DNAI4: variants seen among roughly 807,000 people sequenced by gnomAD.
DNAI4 encodes the protein WD repeat domain 78.
A neutral mutation model predicts 105.8 loss-of-function variants in DNAI4; 85 were observed. The ratio of observed to expected loss-of-function variants is 0.80; its 90% CI spans 0.67 to 0.96. DNAI4 has a LOEUF of 0.96. Among genes scored for constraint, DNAI4 ranks in the 40% least tolerant of loss-of-function variants. The pLI is 0.00. For synonymous variants in DNAI4, 352 were observed against 331.5 expected, an observed-to-expected ratio of 1.06 and a Z score of -0.67; for missense variants, 1,014 against 1,005.6, an observed-to-expected ratio of 1.01 and a Z score of -0.11.
At position 66,813,867 on chromosome 1, in the gene DNAI4, A is replaced by G. The variant is rs1253583677; in HGVS notation, c.*263T>C. The G allele has an allele frequency of 6.1e-6, 2 of 330,570 alleles. No individual in the cohort carries two copies. The allele number at this position is 330,570 out of a possible 1,614,324, so 20.5% of individuals were successfully genotyped here. ...TGTATAAGAATGTACATGTACTCAT[A>G]TGTACTTAGAATATGATCAAGAGAG... On this transcript the variant is annotated 3_prime_UTR_variant, in exon 17 of 17. Coordinates refer to ENST00000371026, the MANE Select transcript of DNAI4 (RefSeq NM_024763.5).
rs572841340 is a variant in DNAI4, at chr1:66,890,635, G to GGAAGAA, written c.643+513_643+518dup. ...AAAGAGGAAAGAAGAAAGAAGAAGAGGAAGAAGAAGAAGAGGAAGAGGAGA... is the reference window on the plus strand; with the variant it reads ...AAAGAGGAAAGAAGAAAGAAGAAGAGGAAGAAGAAGAAGAAGAAGAGGAAGAGGAGA... On this transcript the variant is annotated intron_variant, in intron 4 of 16. Transcript: ENST00000371026. This position sits in a 1 kb window ranked among gnomAD's most constrained non-coding sequence, Gnocchi z 4.1. The GGAAGAA allele has an allele frequency of 3.7e-5, 7 of 187,882 alleles. No homozygotes were observed. The highest frequency in any genetic ancestry group is 7.4e-5 in the Non-Finnish European group (7 of 94,034). The allele number at this position is 187,882 out of a possible 1,614,324, so 11.6% of individuals were successfully genotyped here.
chr1:66,893,033 AG>A (rs60496796), intron 3 of DNAI4, among the ~76,000 whole-genome samples, 195 bp downstream of exon 3: 1 of 111,108 alleles, frequency 9.0e-6, no homozygotes, highest in African/African-American at 4.0e-5. Context: ...AAAGAAAGAG[AG>A]GAAAGAAAGA....
In DNAI4 at chr1:66,900,848, T is replaced by G. The variant is rs1425426864; in HGVS notation, c.345+4353A>C. On this transcript the variant is annotated intron_variant, in intron 2 of 16. Coordinates refer to ENST00000371026, the MANE Select transcript of DNAI4 (RefSeq NM_024763.5). The stretch of plus-strand genomic sequence containing the variant: ...ATCATGTCATCTGCAAATAAAGATG[T>G]TTTTACCTCTTACTTTCCGAACTGG... Among the ~76,000 whole-genome samples the G allele has an allele frequency of 5.9e-5, 9 of 152,296 alleles. 1 individual carries two copies. The East Asian group carries it at 1.7e-3, about 29-fold the overall frequency.
At chr1:66,853,444 C>A (rs1271895636) in intron 7 of DNAI4, among the ~76,000 whole-genome samples, 2 of 152,140 alleles carry the variant, frequency 1.3e-5, no homozygotes, top group Non-Finnish European at 2.9e-5. Flanking sequence ...TGGCACACAA[C>A]CACATAGCAA....
intron 2 of DNAI4, 96 bp from the exon 3 acceptor site, chr1:66,893,509 G>T: frequency 1.1e-6 from 1 of 874,278 alleles, no homozygotes; most frequent in South Asian, 2.5e-5. Flanking sequence ...GTAGAAAAAA[G>T]ATTAGTATAA....
At chr1:66,826,737 C>CT in intron 15 of DNAI4, 83 bp downstream of exon 15, 1 of 1,215,936 alleles carries the variant, frequency 8.2e-7, no homozygotes. Flanking sequence ...CTACAATACC[C>CT]TCTAACTGGT....
intron 7 of DNAI4, 103 bp downstream of exon 7, chr1:66,862,044 T>G: frequency 8.8e-7 from 1 of 1,132,106 alleles, no homozygotes; most frequent in Non-Finnish European, 1.2e-6. Flanking sequence ...GTTGTACTTT[T>G]CATGGTCCAT....
intron 5 of DNAI4, among the ~76,000 whole-genome samples, chr1:66,874,102 T>TA (rs1646911221): frequency 6.6e-6 from 1 of 151,914 alleles, no homozygotes; most frequent in Non-Finnish European, 1.5e-5. Context: ...CTACTTATAG[T>TA]AGCTATATTA....
chr1:66,832,058 A>C (rs1433116005), intron 13 of DNAI4, among the ~76,000 whole-genome samples: 1 of 152,118 alleles, frequency 6.6e-6, no homozygotes, highest in African/African-American at 2.4e-5. Context: ...CCCCACCCTC[A>C]CCTCAATTCC....
At position 66,867,544 on chromosome 1, in the gene DNAI4, AT is replaced by A. The variant is rs1036476249; in HGVS notation, c.940+3825del. Among the ~76,000 whole-genome samples the A allele has an allele frequency of 7.4e-5, 11 of 149,088 alleles. 2 individuals are homozygous for A. The highest frequency in any genetic ancestry group is 1.3e-4 in the Admixed American group (2 of 15,006). On this transcript the variant is annotated intron_variant, in intron 6 of 16. Coordinates refer to ENST00000371026, the MANE Select transcript of DNAI4 (RefSeq NM_024763.5). ...TTTATTAAGCTATCAAGATCTTTTT[AT>A]TCTTTGGATTTTTTTTTAAAGAACA...
At chr1:66,915,834 A>G (rs543690400) in intron 1 of DNAI4, among the ~76,000 whole-genome samples, 1 of 152,284 alleles carries the variant, frequency 6.6e-6, no homozygotes, top group Non-Finnish European at 1.5e-5. Flanking sequence ...TGAGAAAAAA[A>G]ATCTTTGGTC....
chr1:66,895,631 G>A (rs1445998417), intron 2 of DNAI4, among the ~76,000 whole-genome samples: 1 of 151,862 alleles, frequency 6.6e-6, no homozygotes, highest in East Asian at 1.9e-4. Context: ...TGAATAAAAG[G>A]GGGCTCTTTT....
intron 1 of DNAI4, among the ~76,000 whole-genome samples, chr1:66,915,229 G>C (rs1444790650): frequency 6.6e-6 from 1 of 152,146 alleles, no homozygotes; most frequent in African/African-American, 2.4e-5. Context: ...GTGGCTTTAG[G>C]CATTCTAGTC....
At chr1:66,913,915 C>T (rs1319139773) in intron 1 of DNAI4, among the ~76,000 whole-genome samples, 7 of 148,030 alleles carry the variant, frequency 4.7e-5, no homozygotes, top group African/African-American at 7.5e-5. Context: ...CCGGAGCAGG[C>T]GGAGGTTGCA....
At chr1:66,870,748 C>CAAAAA (rs1184105731) in intron 6 of DNAI4, 15 of 16,608 alleles carry the variant, frequency 9.0e-4, no homozygotes, top group East Asian at 4.5e-3. Context: ...GACTCTGACG[C>CAAAAA]AAAAAAAAAA....
At chr1:66,900,041 T>C (rs935375224) in intron 2 of DNAI4, among the ~76,000 whole-genome samples, 15 of 152,200 alleles carry the variant, frequency 9.9e-5, no homozygotes, top group Non-Finnish European at 1.8e-4. Context: ...TTCTGGGTCC[T>C]CTGTGATTCC....
chr1:66,875,991 A>G (rs1646950888), intron 4 of DNAI4, among the ~76,000 whole-genome samples: 1 of 152,180 alleles, frequency 6.6e-6, no homozygotes, highest in Non-Finnish European at 1.5e-5. Flanking sequence ...AATGTAAAAT[A>G]TTATGCAGAT....
At chr1:66,895,790 T>C (rs1648278839) in intron 2 of DNAI4, among the ~76,000 whole-genome samples, 1 of 152,204 alleles carries the variant, frequency 6.6e-6, no homozygotes. Context: ...TCTGTCTATA[T>C]TGAAATGATC....
At position 66,924,667 on chromosome 1, in the gene DNAI4, G is replaced by T; in HGVS notation, c.165C>A (p.Phe55Leu). The T allele has an allele frequency of 6.2e-7, 1 of 1,614,244 alleles. No homozygotes were observed. Among genetic ancestry groups the T allele is most frequent in the African/African-American group, 1.3e-5 (1 of 75,066 alleles). The part of the protein sequence containing the change: ...SPAGSHKQQN[F>L]GLNNATQPKK... ...TTTTTAGCGCCGGAACTTACAACCC[G>T]AAGTTCTGCTGCTTGTGACTGCCTG... Residue 55 changes from phenylalanine to leucine, a missense_variant, in exon 1 of 17, where the codon TTC (phenylalanine) becomes TTA (leucine). Coordinates refer to ENST00000371026, the MANE Select transcript of DNAI4 (RefSeq NM_024763.5).
Sources: gnomAD v4.1 joint callset for allele counts (sites outside exome capture counted in the v4.1 genomes callset) on GRCh38, gnomAD v4.1.1 for gene constraint, Gnocchi (gnomAD v3.1) non-coding constraint, MANE v1.5 for transcripts, NCBI Gene and HGNC (gene_info 2026-07-23, HGNC 2026-07-21) for gene names.